The following BEND4 variants were observed in gnomAD, a reference collection of about 807,000 sequenced individuals.
BEND4 encodes BEN domain-containing protein 4.
BEND4 carries 27 observed loss-of-function variants against 54.7 expected under a neutral mutation model. The ratio of observed to expected loss-of-function variants is 0.49; its 90% confidence interval spans 0.36 to 0.68. The LOEUF (loss-of-function observed/expected upper bound fraction) is 0.68, where lower values mean the gene tolerates loss of function less well. BEND4 is among the 30% of genes least tolerant of loss of function. The probability of loss-of-function intolerance (pLI) is 0.00; values close to 1 mark genes in which losing one functional copy is unlikely to be tolerated. For synonymous variants in BEND4, 327 were observed against 299.5 expected, an observed-to-expected ratio of 1.09 and a Z score of -0.95; for missense variants, 702 against 697.2, an observed-to-expected ratio of 1.01 and a Z score of -0.08.
At chr4:42,120,813 AG>A (rs1720026673) in intron 4 of BEND4, among the ~76,000 whole-genome samples, 1 of 151,294 alleles carries the variant, frequency 6.6e-6, no homozygotes, top group Non-Finnish European at 1.5e-5. Context: ...AATTTTAAGA[AG>A]GGAGAATTGT....
chr4:42,147,844 G>A (rs1281615287), intron 2 of BEND4, among the ~76,000 whole-genome samples: 1 of 152,060 alleles, frequency 6.6e-6, no homozygotes, highest in Non-Finnish European at 1.5e-5. Flanking sequence ...AGAGGGATGG[G>A]AAGTAGGCAA....
intron 5 of BEND4, among the ~76,000 whole-genome samples, chr4:42,118,673 G>A (rs997283139): frequency 3.3e-5 from 5 of 152,168 alleles, no homozygotes; most frequent in East Asian, 1.9e-4. Flanking sequence ...ATGATACAGC[G>A]ATGAGACCCC....
chr4:42,131,335 G>C (rs879308863), intron 3 of BEND4, among the ~76,000 whole-genome samples: 1 of 152,124 alleles, frequency 6.6e-6, no homozygotes, highest in African/African-American at 2.4e-5. Context: ...GCATAGAAAA[G>C]AGATAGGAAA....
chr4:42,118,450 G>A lies in BEND4; in HGVS notation c.1388-715C>T, dbSNP rs543656655. Among the ~76,000 whole-genome samples, 10 of 152,316 alleles carry A rather than the reference G, an allele frequency of 6.6e-5. No individual in the cohort carries two copies. In the East Asian group the frequency reaches 1.9e-3, roughly 29 times the overall value. ...CTACGTATTTCCCAACCAAAAGCGG[G>A]ATGGAGGTCCACGCATTGTGGCCCT... is the stretch of plus-strand genomic sequence containing the variant. On this transcript the variant is annotated intron_variant, in intron 5 of 5. Transcript: ENST00000502486.
At position 42,117,358 on chromosome 4, in the gene BEND4, A is replaced by G. The variant is rs943438615; in HGVS notation, c.*160T>C. On this transcript the variant is annotated 3_prime_UTR_variant, in exon 6 of 6. Coordinates refer to ENST00000502486, the MANE Select transcript of BEND4 (RefSeq NM_207406.4). Reference sequence around the variant, plus strand: ...CTGTTGTAGGTGCCACAGACTTCCCAAACAACCCTAAAATGGATTTCTATT... The same window carrying G: ...CTGTTGTAGGTGCCACAGACTTCCCGAACAACCCTAAAATGGATTTCTATT... The G allele has an allele frequency of 5.1e-6, 3 of 593,378 alleles. No homozygotes were observed. The highest frequency in any genetic ancestry group is 1.9e-5 in the African/African-American group (1 of 53,332). 36.8% of individuals were successfully genotyped at this position (593,378 alleles called of 1,614,324 possible).
At chr4:42,118,145 C>T (rs2153144415) in intron 5 of BEND4, among the ~76,000 whole-genome samples, 1 of 152,232 alleles carries the variant, frequency 6.6e-6, no homozygotes, top group Non-Finnish European at 1.5e-5. Flanking sequence ...GCATGGTATT[C>T]TTTAACCAGC....
chr4:42,119,219 T>TA (rs1192539915), intron 5 of BEND4, among the ~76,000 whole-genome samples: 21 of 152,278 alleles, frequency 1.4e-4, no homozygotes, highest in Non-Finnish European at 2.1e-4. Context: ...CTTTTTTTTT[T>TA]ACTGTGATTT....
intron 4 of BEND4, among the ~76,000 whole-genome samples, chr4:42,122,282 G>A (rs1158227400): frequency 6.6e-6 from 1 of 152,120 alleles, no homozygotes; most frequent in East Asian, 1.9e-4. Context: ...TTGCTCCTTT[G>A]TGTTAAAATA....
At chr4:42,140,083 G>C (rs1720832006) in intron 3 of BEND4, among the ~76,000 whole-genome samples, 3 of 152,200 alleles carry the variant, frequency 2.0e-5, no homozygotes, top group Non-Finnish European at 4.4e-5. Flanking sequence ...TGGGCATTGA[G>C]AGGTAAGGGC....
intron 3 of BEND4, among the ~76,000 whole-genome samples, chr4:42,135,655 C>T (rs1347351803): frequency 2.0e-5 from 3 of 151,912 alleles, no homozygotes; most frequent in African/African-American, 7.3e-5. Context: ...GGCGCCTGTA[C>T]CCCCAGCTAC....
chr4:42,143,324 T>G, intron 3 of BEND4, 104 bp downstream of exon 3: 1 of 1,056,738 alleles, frequency 9.5e-7, no homozygotes, highest in Non-Finnish European at 1.4e-6. Flanking sequence ...AGCCCACACA[T>G]ACATATACAC....
intron 2 of BEND4, among the ~76,000 whole-genome samples, chr4:42,148,576 A>G (rs1316375385): frequency 6.6e-6 from 1 of 152,236 alleles, no homozygotes; most frequent in Non-Finnish European, 1.5e-5. Flanking sequence ...TTAATGTCCA[A>G]AAGAATGATG....
rs2153144678 is a variant in BEND4 at position 42,120,276 on chromosome 4, T to G, written c.1165A>C (p.Asn389His). 6.3e-7 allele frequency: 1 copy of G among 1,596,892 alleles called. No homozygotes were observed. The highest frequency in any genetic ancestry group is 1.1e-5 in the South Asian group (1 of 90,780). ...QPTEGSKQLL[N>H]NYPVYITSKQ... The stretch of plus-strand genomic sequence containing the variant: ...CTCGTTATGTAGACAGGATAGTTGT[T>G]CAACAGCTGCTTGCTTCCCTGGAAA... Residue 389 changes from asparagine (N) to histidine (H), a missense_variant, in exon 5 of 6, where the codon AAC becomes CAC. Physicochemically the swap from Asn to His is moderately conservative, Grantham distance 68 (BLOSUM62 1). Transcript: ENST00000502486.
At chr4:42,131,730 A>G (rs140952240) in intron 3 of BEND4, among the ~76,000 whole-genome samples, 1 of 152,250 alleles carries the variant, frequency 6.6e-6, no homozygotes, top group Non-Finnish European at 1.5e-5. Flanking sequence ...CTGTACATTG[A>G]TACCTGGGCA....
intron 2 of BEND4, among the ~76,000 whole-genome samples, chr4:42,145,091 C>T (rs936559838): frequency 3.3e-5 from 5 of 152,156 alleles, no homozygotes; most frequent in African/African-American, 9.7e-5. Flanking sequence ...GATAAAAATG[C>T]AACTAGCACT....
intron 2 of BEND4, among the ~76,000 whole-genome samples, chr4:42,145,496 A>G (rs1488772256): frequency 6.6e-6 from 1 of 152,094 alleles, no homozygotes; most frequent in Non-Finnish European, 1.5e-5. Context: ...GATCGAGACC[A>G]TCCTGGCCAA....
chr4:42,111,784 T>TAAC lies in BEND4; in HGVS notation c.*5731_*5733dup, dbSNP rs2153143546. 1 of 152,348 alleles carries TAAC rather than the reference T, an allele frequency of 6.6e-6. No individual in the cohort carries two copies. The highest frequency in any genetic ancestry group is 2.1e-4 in the South Asian group (1 of 4,832). The allele number at this position is 152,348 out of a possible 1,614,324, so 9.4% of individuals were successfully genotyped here. ...CTACCTGATGCCCCGGTGCTATTTC[T>TAAC]AACATCTAGGAGTTCCCAAAGACTC... On this transcript the variant is annotated 3_prime_UTR_variant, in exon 6 of 6. Transcript: ENST00000502486.
chr4:42,131,455 T>C (rs1194300850), intron 3 of BEND4, among the ~76,000 whole-genome samples: 4 of 152,308 alleles, frequency 2.6e-5, no homozygotes, highest in African/African-American at 9.6e-5. Flanking sequence ...GTGTTTACAG[T>C]GGGTATAATA....
Position 42,119,267 on chromosome 4 carries a change from T to C in BEND4, c.1387+787A>G, listed in dbSNP as rs529167142. The stretch of plus-strand genomic sequence containing the variant: ...AAATTTTTATCCCTATTTCAGTAAA[T>C]CAATATTAAGTCTTTCCAGCCAATA... On this transcript the variant is annotated intron_variant, in intron 5 of 5. Coordinates refer to ENST00000502486, the MANE Select transcript of BEND4 (RefSeq NM_207406.4). 8.5e-5 allele frequency among the ~76,000 whole-genome samples: 13 copies of C among 152,262 alleles called. No individual in the cohort carries two copies. The East Asian group carries it at 2.3e-3, about 27-fold the overall frequency.
Sources: gnomAD v4.1 joint callset for allele counts (sites outside exome capture counted in the v4.1 genomes callset) on GRCh38, gnomAD v4.1.1 for gene constraint, MANE v1.5 for transcripts, NCBI Gene and HGNC (gene_info 2026-07-23, HGNC 2026-07-21) for gene names.